CNTN3: variants seen among roughly 807,000 people sequenced by gnomAD.
The protein encoded by CNTN3 is contactin 3, also known as contactin-3.
A neutral mutation model predicts 119.1 loss-of-function variants in CNTN3; 60 were observed. The observed-to-expected ratio is 0.50, with a 90% CI of 0.41 to 0.62. The LOEUF is 0.62. CNTN3 is among the 20% of genes least tolerant of loss of function. The probability of loss-of-function intolerance (pLI) is 0.00; values close to 1 mark genes in which losing one functional copy is unlikely to be tolerated. For synonymous variants in CNTN3, 450 were observed against 438.7 expected (o/e 1.03, Z -0.32); for missense variants, 1,101 against 1,242.4 (o/e 0.89, Z 1.71).
At chr3:74,504,291 T>C (rs1222516680) in intron 2 of CNTN3, among the ~76,000 whole-genome samples, 1 of 152,126 alleles carries the variant, frequency 6.6e-6, no homozygotes. Flanking sequence ...AAAGACAGAA[T>C]GTAAGAGGAC....
intron 11 of CNTN3, among the ~76,000 whole-genome samples, chr3:74,355,562 C>T (rs533074318): frequency 6.6e-6 from 1 of 151,994 alleles, no homozygotes; most frequent in African/African-American, 2.4e-5. Context: ...TCAAGCAATT[C>T]TCATGCCTCA....
At chr3:74,586,727 AACT>A (rs1466347955) in intron 1 of CNTN3, among the ~76,000 whole-genome samples, 1 of 152,122 alleles carries the variant, frequency 6.6e-6, no homozygotes, top group Non-Finnish European at 1.5e-5. Flanking sequence ...ATACTGTAAT[AACT>A]ACTATTAGTT....
chr3:74,605,274 G>A (rs1356532280), intron 1 of CNTN3, among the ~76,000 whole-genome samples: 2 of 151,938 alleles, frequency 1.3e-5, no homozygotes, highest in Non-Finnish European at 2.9e-5. Flanking sequence ...AAATCACTAA[G>A]AGAATAGATT....
intron 20 of CNTN3, chr3:74,267,592 C>T (rs1280077950): frequency 1.7e-5 from 8 of 471,326 alleles, no homozygotes; most frequent in Non-Finnish European, 3.1e-5. Flanking sequence ...ACCCCCGTGA[C>T]ACGTAATTTA....
chr3:74,532,098 G>A (rs556941692), intron 1 of CNTN3, among the ~76,000 whole-genome samples: 2 of 152,100 alleles, frequency 1.3e-5, no homozygotes, highest in African/African-American at 4.8e-5. Flanking sequence ...AATGCTTTTC[G>A]TGATGTTATC....
At chr3:74,295,807 T>G (rs2106804192) in intron 18 of CNTN3, among the ~76,000 whole-genome samples, 1 of 152,246 alleles carries the variant, frequency 6.6e-6, no homozygotes, top group Non-Finnish European at 1.5e-5. Flanking sequence ...GTTGAGATTC[T>G]ATGGGGTTCA....
chr3:74,492,274 A>G (rs113575425), intron 3 of CNTN3, among the ~76,000 whole-genome samples: 14 of 152,284 alleles, frequency 9.2e-5, no homozygotes, highest in African/African-American at 9.6e-5. Context: ...TGAAGGTTCT[A>G]TGTGAACTTG....
At chr3:74,470,331 G>A (rs1195348963) in intron 4 of CNTN3, among the ~76,000 whole-genome samples, 1 of 151,856 alleles carries the variant, frequency 6.6e-6, no homozygotes, top group Non-Finnish European at 1.5e-5. Flanking sequence ...GAATTACACG[G>A]TATGTAAATT....
chr3:74,391,645 T>C (rs1295431881), intron 5 of CNTN3, among the ~76,000 whole-genome samples: 1 of 140,680 alleles, frequency 7.1e-6, no homozygotes, highest in East Asian at 2.4e-4. Context: ...TGGCTCACTA[T>C]AACCTCCACC....
chr3:74,311,217 A>AT (rs1257306339), intron 13 of CNTN3, among the ~76,000 whole-genome samples: 1 of 152,168 alleles, frequency 6.6e-6, no homozygotes, highest in Non-Finnish European at 1.5e-5. Flanking sequence ...AGATCACACT[A>AT]TTTTTATTAC....
intron 5 of CNTN3, among the ~76,000 whole-genome samples, chr3:74,398,980 A>AT (rs1259670833): frequency 6.6e-6 from 1 of 152,210 alleles, no homozygotes; most frequent in African/African-American, 2.4e-5. Flanking sequence ...GATAGTTAGC[A>AT]TATCTACCAA....
intron 11 of CNTN3, among the ~76,000 whole-genome samples, chr3:74,354,173 T>C (rs1182056086): frequency 6.6e-6 from 1 of 152,186 alleles, no homozygotes; most frequent in Non-Finnish European, 1.5e-5. Flanking sequence ...ATTCACTCTT[T>C]CTTTAAAAGG....
At position 74,264,357 on chromosome 3, in the gene CNTN3, G is replaced by T; in HGVS notation, c.*44C>A. The T allele has an allele frequency of 8.8e-7, 1 of 1,140,962 alleles. No individual in the cohort carries two copies. The highest frequency in any genetic ancestry group is 1.2e-6 in the Non-Finnish European group (1 of 841,010). The allele number at this position is 1,140,962 out of a possible 1,614,324, so 70.7% of individuals were successfully genotyped here. ...TGCATTTCATGAAAGCACTTTTTTT[G>T]GTAACCAAATAACTTTCCAATAAAT... On this transcript the variant is annotated 3_prime_UTR_variant, in exon 23 of 23. Coordinates refer to ENST00000263665, the MANE Select transcript of CNTN3 (RefSeq NM_020872.3).
chr3:74,327,165 G>A (rs1703155386), intron 13 of CNTN3, among the ~76,000 whole-genome samples: 1 of 132,204 alleles, frequency 7.6e-6, no homozygotes, highest in South Asian at 2.4e-4. Flanking sequence ...AATTTCTCTG[G>A]TTGCCCAGGC....
chr3:74,477,259 A>G (rs762850959), intron 4 of CNTN3, among the ~76,000 whole-genome samples: 3 of 152,202 alleles, frequency 2.0e-5, no homozygotes, highest in African/African-American at 4.8e-5. Context: ...ATGGCTGCTA[A>G]ATGATGAACA....
intron 1 of CNTN3, among the ~76,000 whole-genome samples, chr3:74,546,026 C>T (rs1464314592): frequency 6.6e-6 from 1 of 151,704 alleles, no homozygotes; most frequent in Non-Finnish European, 1.5e-5. Flanking sequence ...AATGGAGTCT[C>T]GCTCTGTCAC....
chr3:74,304,709 T>C (rs1159492441), intron 13 of CNTN3, among the ~76,000 whole-genome samples: 5 of 152,262 alleles, frequency 3.3e-5, no homozygotes, highest in East Asian at 1.9e-4. Context: ...AGCTGCATCA[T>C]AAAAAATGAA....
At chr3:74,297,230 C>T (rs1431568602) in intron 18 of CNTN3, among the ~76,000 whole-genome samples, 7 of 152,102 alleles carry the variant, frequency 4.6e-5, no homozygotes, top group Non-Finnish European at 8.8e-5. Flanking sequence ...ATTTTTATTA[C>T]CCCAAGGTAA....
chr3:74,321,446 T>G (rs1042756044), intron 13 of CNTN3, among the ~76,000 whole-genome samples: 1 of 152,038 alleles, frequency 6.6e-6, no homozygotes, highest in African/African-American at 2.4e-5. Flanking sequence ...ATTGAGTGCA[T>G]ATAAAAGCAA....
Sources: gnomAD v4.1 joint callset for allele counts (sites outside exome capture counted in the v4.1 genomes callset) on GRCh38, gnomAD v4.1.1 for gene constraint, MANE v1.5 for transcripts, NCBI Gene and HGNC (gene_info 2026-07-23, HGNC 2026-07-21) for gene names.